The following FYN variants were observed in gnomAD, a reference collection of about 807,000 sequenced individuals.
FYN encodes the protein tyrosine-protein kinase Fyn.
A neutral mutation model predicts 70.2 loss-of-function variants in FYN; 10 were observed. The observed-to-expected ratio is 0.14, with a 90% confidence interval of 0.09 to 0.24. The LOEUF is 0.24. Among genes scored for constraint, FYN ranks in the 10% least tolerant of loss-of-function variants. The pLI, the probability that FYN is intolerant of heterozygous loss-of-function variation, is 1.00. For missense variants in FYN, 319 were observed against 673.1 expected, an observed-to-expected ratio of 0.47 and a Z score of 5.82; for synonymous variants, 236 against 248.6, an observed-to-expected ratio of 0.95 and a Z score of 0.48.
At chr6:111,685,604 G>A (rs1798968794) in intron 12 of FYN, among the ~76,000 whole-genome samples, 1 of 152,220 alleles carries the variant, frequency 6.6e-6, no homozygotes, top group Admixed American at 6.5e-5. Flanking sequence ...TGCAAATGCA[G>A]GAGTTCCTTT....
chr6:111,833,918 G>A (rs1451840584), intron 2 of FYN, among the ~76,000 whole-genome samples: 2 of 152,138 alleles, frequency 1.3e-5, no homozygotes, highest in Non-Finnish European at 2.9e-5. Flanking sequence ...TGTCCCAACT[G>A]TTCTTGAGAG....
chr6:111,697,087 C>T (rs1461895536), intron 9 of FYN, among the ~76,000 whole-genome samples: 1 of 152,112 alleles, frequency 6.6e-6, no homozygotes, highest in Non-Finnish European at 1.5e-5. Flanking sequence ...TGGCTAGCCA[C>T]AAGAACAATG....
intron 5 of FYN, 105 bp from the exon 6 acceptor site, chr6:111,708,125 C>T: frequency 2.5e-6 from 2 of 800,190 alleles, no homozygotes; most frequent in South Asian, 1.5e-5. Flanking sequence ...CATCCTGCCA[C>T]CCGATTTCTC....
chr6:111,788,615 T>C (rs770637951), intron 2 of FYN, among the ~76,000 whole-genome samples: 46 of 152,196 alleles, frequency 3.0e-4, no homozygotes, highest in Non-Finnish European at 6.2e-4. Flanking sequence ...GCTGGGAAGC[T>C]TGTGCACAAA....
chr6:111,864,633 G>A (rs150818407), intron 1 of FYN, among the ~76,000 whole-genome samples: 3 of 152,258 alleles, frequency 2.0e-5, no homozygotes, highest in African/African-American at 7.2e-5. Flanking sequence ...TTCTCAAGAG[G>A]CAGTAGGTTT....
chr6:111,766,239 G>C (rs1176502146), intron 3 of FYN, among the ~76,000 whole-genome samples: 1 of 152,128 alleles, frequency 6.6e-6, no homozygotes, highest in Non-Finnish European at 1.5e-5. Context: ...CCCCACAGCT[G>C]GTCAGCAATG....
intron 4 of FYN, among the ~76,000 whole-genome samples, chr6:111,715,480 T>A (rs1018333991): frequency 5.3e-5 from 8 of 152,150 alleles, no homozygotes; most frequent in African/African-American, 1.4e-4. Context: ...ATCTAACGAC[T>A]TGCTTCTACT....
At chr6:111,812,110 C>T (rs1007704945) in intron 2 of FYN, among the ~76,000 whole-genome samples, 1 of 152,178 alleles carries the variant, frequency 6.6e-6, no homozygotes, top group African/African-American at 2.4e-5. Context: ...CCTTGTACAT[C>T]CTTGGAGGTA....
At chr6:111,804,237 C>T (rs1772077497) in intron 2 of FYN, among the ~76,000 whole-genome samples, 1 of 152,164 alleles carries the variant, frequency 6.6e-6, no homozygotes, top group Non-Finnish European at 1.5e-5. Flanking sequence ...CAAAGTCAGG[C>T]TTGAAGAACA....
intron 2 of FYN, among the ~76,000 whole-genome samples, chr6:111,785,762 C>T (rs1443145705): frequency 9.6e-5 from 14 of 145,390 alleles, no homozygotes; most frequent in East Asian, 4.2e-4. Context: ...GTTGGTGTGC[C>T]GCACCCATTA....
At chr6:111,804,851 C>G (rs560042687) in intron 2 of FYN, among the ~76,000 whole-genome samples, 1 of 152,276 alleles carries the variant, frequency 6.6e-6, no homozygotes, top group South Asian at 2.1e-4. Flanking sequence ...CTTCAGAAAC[C>G]CTGATGCTGC....
At position 111,775,052 on chromosome 6, in the gene FYN, G is replaced by A. The variant is rs192176365; in HGVS notation, c.-12+5514C>T. Among the ~76,000 whole-genome samples, 517 of 152,228 alleles carry A rather than the reference G, an allele frequency of 3.4e-3. 3 individuals are homozygous for A. Among genetic ancestry groups the A allele is most frequent in the Middle Eastern group, 0.014 (4 of 294 alleles). On this transcript the variant is annotated intron_variant, in intron 3 of 13. Coordinates refer to ENST00000354650, the MANE Select transcript of FYN (RefSeq NM_002037.5). ...ACAAACTTAAATGAGCTATGCCTAC[G>A]ATACCCTAATATGCATCTGCACAAG...
At chr6:111,862,003 T>A (rs973450882) in intron 1 of FYN, among the ~76,000 whole-genome samples, 2 of 152,170 alleles carry the variant, frequency 1.3e-5, no homozygotes, top group Non-Finnish European at 2.9e-5. Context: ...ACAGCCAAAA[T>A]TGGGCTATAC....
chr6:111,686,312 C>G (rs1799002840), intron 12 of FYN, among the ~76,000 whole-genome samples: 1 of 152,092 alleles, frequency 6.6e-6, no homozygotes, highest in Admixed American at 6.5e-5. Context: ...TGAAGTGTAC[C>G]AAACTCGGAT....
intron 2 of FYN, among the ~76,000 whole-genome samples, chr6:111,809,661 T>G (rs567988182): frequency 1.1e-4 from 16 of 152,234 alleles, no homozygotes. Context: ...AATCCCCCTC[T>G]TCACTGGGGA....
chr6:111,773,846 T>A (rs2128502713), intron 3 of FYN, among the ~76,000 whole-genome samples: 1 of 152,306 alleles, frequency 6.6e-6, no homozygotes. Context: ...TGTGTGCTCA[T>A]CAAACTGATG....
chr6:111,805,896 C>T (rs1772131328), intron 2 of FYN, among the ~76,000 whole-genome samples: 1 of 152,148 alleles, frequency 6.6e-6, no homozygotes, highest in Admixed American at 6.5e-5. Context: ...GAAGCTGGGA[C>T]CACTTAGGAG....
intron 2 of FYN, among the ~76,000 whole-genome samples, chr6:111,809,738 G>T (rs1327456035): frequency 1.3e-5 from 2 of 152,076 alleles, no homozygotes; most frequent in Non-Finnish European, 2.9e-5. Context: ...GATTTTAATG[G>T]TTATCATTTC....
rs541667028 is a variant in FYN at position 111,713,992 on chromosome 6, C to A, written c.344+355G>T. Among the ~76,000 whole-genome samples, 6 of 152,348 alleles carry A rather than the reference C, an allele frequency of 3.9e-5. No individual in the cohort carries two copies. The South Asian group carries it at 1.2e-3, about 32-fold the overall frequency. ...AAATCTCAAGGCAGAGAGCACGAAA[C>A]GTGGGTAGCCAAGGCTTGTGCCAAT... On this transcript the variant is annotated intron_variant, in intron 5 of 13. Transcript: ENST00000354650.
Sources: gnomAD v4.1 joint callset for allele counts (sites outside exome capture counted in the v4.1 genomes callset) on GRCh38, gnomAD v4.1.1 for gene constraint, MANE v1.5 for transcripts, NCBI Gene and HGNC (gene_info 2026-07-23, HGNC 2026-07-21) for gene names.